The following SVIL variants were observed in gnomAD, a reference collection of about 807,000 sequenced individuals.
SVIL encodes the protein supervillin, also known as archvillin.
SVIL carries 101 observed loss-of-function variants against 240.4 expected under a neutral mutation model. That is an observed-to-expected ratio of 0.42 (90% confidence interval 0.36 to 0.50). SVIL has a LOEUF of 0.50. SVIL is among the 20% of genes least tolerant of loss of function. The pLI is 0.01. For missense variants in SVIL, 2,512 were observed against 2,818.7 expected, an observed-to-expected ratio of 0.89 and a Z score of 2.46; for synonymous variants, 999 against 1,100.0, an observed-to-expected ratio of 0.91 and a Z score of 1.82.
intron 2 of SVIL, among the ~76,000 whole-genome samples, chr10:29,675,334 T>C (rs1455892825): frequency 1.3e-5 from 2 of 152,140 alleles, no homozygotes; most frequent in African/African-American, 2.4e-5. Context: ...ACCCCATTTC[T>C]GCAAAGAAAA....
At chr10:29,688,138 G>A (rs931206854) in intron 1 of SVIL, among the ~76,000 whole-genome samples, 1 of 152,202 alleles carries the variant, frequency 6.6e-6, no homozygotes, top group African/African-American at 2.4e-5. Context: ...TTCCCCCAAA[G>A]ACACATTGAA....
At chr10:29,566,001 A>G (rs1954934099) in intron 2 of SVIL, among the ~76,000 whole-genome samples, 1 of 152,206 alleles carries the variant, frequency 6.6e-6, no homozygotes, top group African/African-American at 2.4e-5. Context: ...ATTCACGCTG[A>G]AGTATTTTTT....
chr10:29,734,594 C>T (rs1345531482), intron 1 of SVIL, among the ~76,000 whole-genome samples: 1 of 151,876 alleles, frequency 6.6e-6, no homozygotes, highest in East Asian at 1.9e-4. Context: ...GTCCATTAGC[C>T]CTTCATAAAA....
intron 1 of SVIL, among the ~76,000 whole-genome samples, chr10:29,569,662 G>C (rs1229574698): frequency 6.6e-6 from 1 of 152,090 alleles, no homozygotes; most frequent in East Asian, 1.9e-4. Flanking sequence ...TGCTAAATAA[G>C]GCAGCTATAT....
chr10:29,468,604 G>A (rs1363285911), intron 32 of SVIL, among the ~76,000 whole-genome samples: 1 of 148,434 alleles, frequency 6.7e-6, no homozygotes, highest in Non-Finnish European at 1.5e-5. Context: ...AAAATTTGTG[G>A]GTATATACTA....
intron 3 of SVIL, among the ~76,000 whole-genome samples, chr10:29,648,197 G>T (rs1345583189): frequency 6.6e-6 from 1 of 152,084 alleles, no homozygotes; most frequent in Non-Finnish European, 1.5e-5. Flanking sequence ...GTCTGCACAG[G>T]TTCACAAACG....
rs180832349 is a variant in SVIL, at chr10:29,554,091, T to C, written c.160+692A>G. 2.9e-3 allele frequency among the ~76,000 whole-genome samples: 449 copies of C among 152,246 alleles called. 4 individuals carry two copies. Among genetic ancestry groups the C allele is most frequent in the Middle Eastern group, 0.01 (3 of 294 alleles). ...GGAATCATTTCATACTGCTGTGACATGGAAGGCCAGATCCGTGAGGCGGGG... is the reference window on the plus strand; with the variant it reads ...GGAATCATTTCATACTGCTGTGACACGGAAGGCCAGATCCGTGAGGCGGGG... On this transcript the variant is annotated intron_variant, in intron 5 of 37. Coordinates refer to ENST00000355867, the MANE Select transcript of SVIL (RefSeq NM_021738.3).
chr10:29,655,874 GT>G (rs3030622), intron 3 of SVIL, among the ~76,000 whole-genome samples: 36,851 of 136,138 alleles, frequency 0.27, 4,369 homozygotes, highest in East Asian at 0.3. Context: ...GTATGTGTGG[GT>G]TTTTTTTTTT....
chr10:29,597,489 C>T (rs1002979963), intron 1 of SVIL, among the ~76,000 whole-genome samples: 24 of 152,124 alleles, frequency 1.6e-4, no homozygotes, highest in Admixed American at 2.6e-4. Flanking sequence ...GCAATCTTGG[C>T]TCACTGCAAC....
intron 1 of SVIL, among the ~76,000 whole-genome samples, chr10:29,705,510 T>G (rs1962825673): frequency 6.6e-6 from 1 of 152,062 alleles, no homozygotes; most frequent in South Asian, 2.1e-4. Flanking sequence ...GGGATACAAG[T>G]GCAGAATGTG....
intron 2 of SVIL, among the ~76,000 whole-genome samples, chr10:29,564,365 C>T (rs1241668651): frequency 3.9e-5 from 6 of 152,194 alleles, no homozygotes; most frequent in Non-Finnish European, 5.9e-5. Flanking sequence ...GTGTACCCAA[C>T]TCCATGGTCT....
In SVIL at chr10:29,707,714, T is replaced by A. The variant is rs141190369; in HGVS notation, c.-399-21063A>T. Among the ~76,000 whole-genome samples, 1,444 of 152,296 alleles carry A rather than the reference T, an allele frequency of 9.5e-3. 21 individuals are homozygous for A. Among genetic ancestry groups the A allele is most frequent in the African/African-American group, 0.033 (1,375 of 41,562 alleles). On this transcript the variant is annotated intron_variant, in intron 1 of 35. Coordinates refer to the SVIL transcript ENST00000375400. ...TTATAATCAGTTTAAAATAATGTGG[T>A]ATGTTTACAAATAATAATAGCTGAA...
In SVIL at chr10:29,493,378, G is replaced by C. The variant is rs761333498; in HGVS notation, c.3855C>G (p.His1285Gln). 1.1e-4 allele frequency: 184 copies of C among 1,613,910 alleles called. No homozygotes were observed. Among genetic ancestry groups the C allele is most frequent in the Non-Finnish European group, 1.5e-4 (180 of 1,180,022 alleles). The change falls in exon 21 of 38, where the codon CAC (histidine) becomes CAG (glutamine). Residue 1285 changes from histidine to glutamine, a missense_variant. This residue lies in a region of SVIL where 272 missense variants were observed against 406.8 expected (regional missense o/e 0.67). Coordinates refer to ENST00000355867, the MANE Select transcript of SVIL (RefSeq NM_021738.3). ...TGCCGGTGACAGTGAGCACCGTTTC[G>C]TGCATCCCGCCAACTATCAACAAAC... ...RRLNNKVGGM[H>Q]ETVLTVTGKS...
intron 3 of SVIL, among the ~76,000 whole-genome samples, chr10:29,562,613 T>C (rs562400835): frequency 6.6e-6 from 1 of 151,900 alleles, no homozygotes; most frequent in East Asian, 1.9e-4. Flanking sequence ...TACAAAAAAT[T>C]AGCCGGGCGT....
In SVIL at chr10:29,519,889, C is replaced by T. The variant is rs117653220; in HGVS notation, c.3389+2521G>A. 3.8e-3 allele frequency among the ~76,000 whole-genome samples: 572 copies of T among 152,322 alleles called. 7 individuals carry two copies. Among genetic ancestry groups the T allele is most frequent in the Non-Finnish European group, 4.9e-3 (334 of 68,028 alleles). ...GCTCACCCATTCAATTCTGAATACACTTCCGGGCTGTTCACAGAAACTTTA... is the reference window on the plus strand; with the variant it reads ...GCTCACCCATTCAATTCTGAATACATTTCCGGGCTGTTCACAGAAACTTTA... On this transcript the variant is annotated intron_variant, in intron 16 of 37. Coordinates refer to ENST00000355867, the MANE Select transcript of SVIL (RefSeq NM_021738.3).
chr10:29,490,784 G>C, intron 22 of SVIL, 63 bp downstream of exon 22: 1 of 1,593,186 alleles, frequency 6.3e-7, no homozygotes, highest in Non-Finnish European at 8.6e-7. Context: ...ACCAAGCAAT[G>C]AGTAGAGCAT....
At chr10:29,508,962 T>C (rs999829712) in intron 17 of SVIL, among the ~76,000 whole-genome samples, 1 of 152,226 alleles carries the variant, frequency 6.6e-6, no homozygotes, top group Non-Finnish European at 1.5e-5. Flanking sequence ...GGGATGGAAT[T>C]GAAAATAACT....
At chr10:29,582,648 C>G (rs1287896470) in intron 1 of SVIL, among the ~76,000 whole-genome samples, 2 of 151,888 alleles carry the variant, frequency 1.3e-5, no homozygotes, top group Non-Finnish European at 2.9e-5. Flanking sequence ...GTGAGGATTA[C>G]TTAAGCCCAG....
At chr10:29,507,064 G>A (rs2132465634) in intron 17 of SVIL, among the ~76,000 whole-genome samples, 1 of 152,252 alleles carries the variant, frequency 6.6e-6, no homozygotes, top group East Asian at 1.9e-4. Flanking sequence ...CTGGGGTGGG[G>A]TTCAGAGAGG....
Sources: allele counts gnomAD v4.1 joint callset (sites outside exome capture counted in the v4.1 genomes callset), GRCh38; gene constraint gnomAD v4.1.1; regional missense constraint gnomAD v4.1.1; transcripts MANE v1.5; gene names NCBI Gene and HGNC (gene_info 2026-07-23, HGNC 2026-07-21).